The following THOC2 variants were observed in gnomAD, a reference collection of about 807,000 sequenced individuals.
THOC2 encodes the protein THO complex subunit 2, also known as THO complex 2.
In THOC2, 10 loss-of-function variants were observed where a neutral mutation model predicts 128.4. The observed-to-expected ratio is 0.08, with a 90% CI of 0.05 to 0.13. The LOEUF is 0.13. THOC2 is among the 10% of genes least tolerant of loss of function. The pLI, the probability that THOC2 is intolerant of heterozygous loss-of-function variation, is 1.00. For missense variants in THOC2, 535 were observed against 1,155.7 expected (o/e 0.46, Z 7.79); for synonymous variants, 393 against 396.9 (o/e 0.99, Z 0.12).
chrX:123,641,168 CTCTT>C (rs1180298041), intron 15 of THOC2, among the ~76,000 whole-genome samples: 1 of 111,873 alleles, frequency 8.9e-6, no homozygotes, highest in Non-Finnish European at 1.9e-5. Flanking sequence ...CCTTTCCTTC[CTCTT>C]TATTTCTTCC....
intron 3 of THOC2, among the ~76,000 whole-genome samples, chrX:123,704,381 T>G: frequency 8.9e-6 from 1 of 111,925 alleles, no homozygotes; most frequent in Middle Eastern, 4.7e-3. Flanking sequence ...CATGTACAGG[T>G]TTGTTACATG....
chrX:123,679,957 G>A (rs376158150), intron 8 of THOC2, among the ~76,000 whole-genome samples: 2 of 112,192 alleles, frequency 1.8e-5, no homozygotes, highest in South Asian at 3.8e-4. Flanking sequence ...AAAACACTGC[G>A]GAAGGCTGCA....
At chrX:123,701,709 A>G (rs1416142025) in intron 4 of THOC2, among the ~76,000 whole-genome samples, 1 of 110,551 alleles carries the variant, frequency 9.0e-6, no homozygotes, top group African/African-American at 3.3e-5. Context: ...AAAAAAAGGT[A>G]ATATCTTTAG....
chrX:123,722,166 C>T (rs985378771), intron 1 of THOC2, among the ~76,000 whole-genome samples: 7 of 111,583 alleles, frequency 6.3e-5, no homozygotes, highest in Non-Finnish European at 1.1e-4. Flanking sequence ...TGGTGATTCC[C>T]CAAGGATCTA....
chrX:123,717,344 C>T (rs6649067), intron 1 of THOC2, among the ~76,000 whole-genome samples: 33,967 of 109,597 alleles, frequency 0.31, 3,928 homozygotes, highest in East Asian at 0.68. Context: ...CAATGAACTA[C>T]CTGAAAAAAA....
In THOC2 at chrX:123,726,065, C is replaced by T. The variant is rs187558821; in HGVS notation, c.71+6887G>A. Among the ~76,000 whole-genome samples the T allele has an allele frequency of 9.1e-4, 101 of 110,992 alleles. 2 individuals are homozygous for T. The highest frequency in any genetic ancestry group is 3.0e-3 in the African/African-American group (91 of 30,552). On this transcript the variant is annotated intron_variant, in intron 1 of 38. Coordinates refer to ENST00000245838, the MANE Select transcript of THOC2 (RefSeq NM_001081550.2). ...CTCTACTAAAACTACAAAAATTAGC[C>T]GGGCTTGGTGGCCAATGCCTGTAAT...
chrX:123,631,179 C>T (rs943177883), intron 22 of THOC2, among the ~76,000 whole-genome samples: 1 of 111,690 alleles, frequency 9.0e-6, no homozygotes, highest in Non-Finnish European at 1.9e-5. Flanking sequence ...ATTCTCCCAC[C>T]TCTGTCTGTC....
chrX:123,625,323 C>A lies in THOC2; in HGVS notation c.3057+589G>T, dbSNP rs187197520. Among the ~76,000 whole-genome samples, 5 of 111,171 alleles carry A rather than the reference C, an allele frequency of 4.5e-5. No individual in the cohort carries two copies. The East Asian group carries it at 1.4e-3, about 31-fold the overall frequency. ...CCATGTTAGCCAGGATGGTCTCGATCTCCTGACCTTGTGATCCACCCGCCT... is the reference window on the plus strand; with the variant it reads ...CCATGTTAGCCAGGATGGTCTCGATATCCTGACCTTGTGATCCACCCGCCT... On this transcript the variant is annotated intron_variant, in intron 25 of 38. Coordinates refer to ENST00000245838, the MANE Select transcript of THOC2 (RefSeq NM_001081550.2).
At chrX:123,601,707 A>G (rs1476585649) in intron 38 of THOC2, 2 of 110,552 alleles carry the variant, frequency 1.8e-5, no homozygotes, top group Non-Finnish European at 3.8e-5. Context: ...TAAAAAAAAA[A>G]TTGAACATTG....
chrX:123,674,311 T>A (rs1322517814), intron 8 of THOC2, among the ~76,000 whole-genome samples: 1 of 112,109 alleles, frequency 8.9e-6, no homozygotes, highest in Non-Finnish European at 1.9e-5. Flanking sequence ...TTTTATATTA[T>A]ATAATGTTTT....
intron 32 of THOC2, 176 bp from the exon 33 acceptor site, chrX:123,619,612 G>A: frequency 2.2e-6 from 1 of 444,691 alleles, no homozygotes; most frequent in Non-Finnish European, 3.8e-6. Flanking sequence ...TAATGGAATT[G>A]GAATGTTAAA....
chrX:123,701,128 A>G (rs906361389), intron 4 of THOC2, among the ~76,000 whole-genome samples: 2 of 111,451 alleles, frequency 1.8e-5, no homozygotes, highest in African/African-American at 6.5e-5. Context: ...CAAGGTGGAC[A>G]GATCACTTGA....
At chrX:123,626,792 C>T (rs182319500) in intron 23 of THOC2, 130 bp from the exon 24 acceptor site, 59 of 574,703 alleles carry the variant, frequency 1.0e-4, no homozygotes, top group Middle Eastern at 5.7e-4. Context: ...TCCACTTGAA[C>T]GTGCTACTTT....
At chrX:123,653,185 T>C (rs2048429717) in intron 12 of THOC2, among the ~76,000 whole-genome samples, 1 of 112,185 alleles carries the variant, frequency 8.9e-6, no homozygotes, top group Non-Finnish European at 1.9e-5. Flanking sequence ...GGATCCCCTA[T>C]TTAATAAATG....
intron 2 of THOC2, among the ~76,000 whole-genome samples, chrX:123,707,950 A>G (rs1363147498): frequency 9.4e-6 from 1 of 105,906 alleles, no homozygotes; most frequent in Non-Finnish European, 1.9e-5. Flanking sequence ...CAACATAGGG[A>G]GACCTCATCT....
intron 38 of THOC2, chrX:123,602,503 T>G (rs2046317711): frequency 8.9e-6 from 1 of 112,166 alleles, no homozygotes; most frequent in Admixed American, 9.5e-5. Context: ...CATAATTCCA[T>G]TTAAATGAAA....
intron 15 of THOC2, 38 bp downstream of exon 15, chrX:123,644,537 A>G: frequency 8.1e-6 from 8 of 982,961 alleles, no homozygotes; most frequent in Non-Finnish European, 9.7e-6. Flanking sequence ...AGATTCAGAT[A>G]TAATTTAGAT....
chrX:123,674,333 T>C (rs966006044), intron 8 of THOC2, among the ~76,000 whole-genome samples: 8 of 111,995 alleles, frequency 7.1e-5, no homozygotes, highest in African/African-American at 1.9e-4. Context: ...CATTGTCTCT[T>C]GTAACAACTT....
chrX:123,656,385 T>C (rs2048586994), intron 12 of THOC2, among the ~76,000 whole-genome samples: 1 of 103,528 alleles, frequency 9.7e-6, no homozygotes, highest in African/African-American at 3.5e-5. Context: ...ACTTATGCTA[T>C]TTACTTCTAG....
Sources: allele counts gnomAD v4.1 joint callset (sites outside exome capture counted in the v4.1 genomes callset), GRCh38; gene constraint gnomAD v4.1.1; transcripts MANE v1.5; gene names NCBI Gene and HGNC (gene_info 2026-07-23, HGNC 2026-07-21).